AKR1C2: variants seen among roughly 807,000 people sequenced by gnomAD.
AKR1C2 encodes aldo-keto reductase family 1 member C2.
In AKR1C2, 27 loss-of-function variants were observed where a neutral mutation model predicts 39.8. That is an observed-to-expected ratio of 0.68 (90% CI 0.50 to 0.93). The LOEUF is 0.93. AKR1C2 is among the 40% of genes least tolerant of loss of function. The pLI is 0.00. For missense variants in AKR1C2, 263 were observed against 365.1 expected, an observed-to-expected ratio of 0.72 and a Z score of 2.28; for synonymous variants, 114 against 137.9, an observed-to-expected ratio of 0.83 and a Z score of 1.22.
chr10:4,994,064 TTTAC>T (rs1244285064), intron 7 of AKR1C2, among the ~76,000 whole-genome samples: 1 of 151,690 alleles, frequency 6.6e-6, no homozygotes, highest in Non-Finnish European at 1.5e-5. Context: ...CTTCACTTAT[TTTAC>T]TTAATGTTTT....
At chr10:4,999,530 A>G in intron 3 of AKR1C2, 1 of 451,322 alleles carries the variant, frequency 2.2e-6, no homozygotes. Context: ...GAGTGTCATC[A>G]TTGACTTTCA....
intron 7 of AKR1C2, among the ~76,000 whole-genome samples, chr10:4,994,366 A>G (rs1353083372): frequency 1.3e-5 from 2 of 152,160 alleles, no homozygotes; most frequent in African/African-American, 2.4e-5. Flanking sequence ...TCTAACAATC[A>G]CATGTCCCTG....
chr10:5,004,507 T>A (rs149569353), upstream of AKR1C2, among the ~76,000 whole-genome samples: 23,549 of 152,072 alleles, frequency 0.15, 1,968 homozygotes, highest in East Asian at 0.3. Flanking sequence ...ATTGGAAGAT[T>A]TCTTATTAAC....
chr10:4,997,990 T>C (rs1413411318), intron 5 of AKR1C2, among the ~76,000 whole-genome samples: 1 of 152,240 alleles, frequency 6.6e-6, no homozygotes, highest in Non-Finnish European at 1.5e-5. Context: ...GGGGCAGTCA[T>C]AGGTCAGCTC....
chr10:4,998,939 T>C (rs551899136), intron 4 of AKR1C2, among the ~76,000 whole-genome samples, 192 bp from the exon 5 acceptor site: 1 of 152,280 alleles, frequency 6.6e-6, no homozygotes, highest in Admixed American at 6.5e-5. Context: ...AGAATTTCTG[T>C]TTCCTCCTTA....
intron 7 of AKR1C2, among the ~76,000 whole-genome samples, chr10:4,994,274 T>C (rs1588299088): frequency 6.6e-6 from 1 of 152,220 alleles, no homozygotes; most frequent in Middle Eastern, 3.4e-3. Context: ...TATATCTATA[T>C]ATATTCATAT....
chr10:5,002,962 A>G (rs1295775892), intron 1 of AKR1C2, among the ~76,000 whole-genome samples: 3 of 152,210 alleles, frequency 2.0e-5, no homozygotes, highest in African/African-American at 7.2e-5. Flanking sequence ...GAGAAATGTG[A>G]GACTCAAATT....
At chr10:5,014,194 A>C (rs1393461560) in intron 1 of AKR1C2, among the ~76,000 whole-genome samples, 1 of 147,420 alleles carries the variant, frequency 6.8e-6, no homozygotes. Flanking sequence ...CTTCAAAAAC[A>C]TGTTTTAGTT....
intron 4 of AKR1C2, among the ~76,000 whole-genome samples, 158 bp from the exon 5 acceptor site, chr10:4,998,905 A>T (rs1837159451): frequency 6.6e-6 from 1 of 152,156 alleles, no homozygotes; most frequent in Non-Finnish European, 1.5e-5. Flanking sequence ...AAAATTGGGG[A>T]AGAAGATAGT....
chr10:4,996,477 C>G (rs1345628552), intron 5 of AKR1C2, among the ~76,000 whole-genome samples: 2 of 147,848 alleles, frequency 1.4e-5, no homozygotes, highest in Non-Finnish European at 3.0e-5. Context: ...GAAACAAGTG[C>G]TTTTGTCTTT....
intron 8 of AKR1C2, among the ~76,000 whole-genome samples, chr10:4,991,302 A>C (rs1836834722): frequency 1.3e-5 from 2 of 151,688 alleles, no homozygotes; most frequent in Non-Finnish European, 1.5e-5. Context: ...CAAACATGCA[A>C]AGAAAGGCAC....
chr10:5,017,854 G>C (rs782099302), intron 1 of AKR1C2: 9 of 153,282 alleles, frequency 5.9e-5, no homozygotes, highest in Non-Finnish European at 1.3e-4. Context: ...TCACAGTTCT[G>C]CAGGCTGTAC....
chr10:5,001,975 A>G (rs1298416713), intron 1 of AKR1C2, among the ~76,000 whole-genome samples: 7 of 152,232 alleles, frequency 4.6e-5, no homozygotes, highest in African/African-American at 1.7e-4. Flanking sequence ...GGACGCAACT[A>G]TAGTTACAGA....
chr10:4,998,687 G>A lies in AKR1C2; in HGVS notation c.508C>T (p.His170Tyr), dbSNP rs1837148517. ...TTGAGGATCATCTCCAGCAGCCTGTGGTTGAAGTTGGACACCCCGATGGAC... is the reference window on the plus strand; with the variant it reads ...TTGAGGATCATCTCCAGCAGCCTGTAGTTGAAGTTGGACACCCCGATGGAC... ...AKSIGVSNFN[H>Y]RLLEMILNKP... The change falls in exon 5 of 9, where the codon CAC becomes TAC. Residue 170 changes from histidine to tyrosine, a missense_variant. His to Tyr is a moderately conservative substitution (Grantham distance 83). Around this residue, in one of 3 missense-constraint regions of AKR1C2, gnomAD observed 247 missense variants for 267.9 expected, o/e 0.92. Coordinates refer to ENST00000380753, the MANE Select transcript of AKR1C2 (RefSeq NM_001393392.1). 6.2e-7 allele frequency: 1 copy of A among 1,614,148 alleles called. No homozygotes were observed. Among genetic ancestry groups the A allele is most frequent in the Non-Finnish European group, 8.5e-7 (1 of 1,180,034 alleles).
chr10:4,987,794 T>C lies in AKR1C2; in HGVS notation c.*2202A>G, dbSNP rs1218234569. ...CCAAAATTTCAAAAATACATGTTTT[T>C]ATATTTTACCATATGTTCACATTTA... On this transcript the variant is annotated 3_prime_UTR_variant, in exon 9 of 9. Transcript: ENST00000380753. The C allele has an allele frequency of 8.0e-6, 1 of 125,772 alleles. No individual in the cohort carries two copies. The highest frequency in any genetic ancestry group is 1.7e-5 in the Non-Finnish European group (1 of 60,178). 7.8% of individuals were successfully genotyped at this position (125,772 alleles called of 1,614,324 possible).
chr10:5,006,388 G>A (rs1446928492), upstream of AKR1C2: 2 of 152,156 alleles, frequency 1.3e-5, no homozygotes, highest in African/African-American at 4.8e-5. Context: ...GATCACCTGA[G>A]GTCAGGAGTT....
chr10:4,988,456 G>GATATTTA lies in AKR1C2; in HGVS notation c.*1533_*1539dup, dbSNP rs1554771714. The GATATTTA allele has an allele frequency of 1.7e-4, 25 of 149,318 alleles. No individual in the cohort carries two copies. Among genetic ancestry groups the GATATTTA allele is most frequent in the Non-Finnish European group, 3.0e-4 (20 of 65,754 alleles). 9.2% of individuals were successfully genotyped at this position (149,318 alleles called of 1,614,324 possible). ...TTGGTGGATTTCTCAGCCTAGAGGT[G>GATATTTA]ATATTTAATGCAGAGAATATCTAAG... On this transcript the variant is annotated 3_prime_UTR_variant, in exon 9 of 9. Transcript: ENST00000380753.
intron 5 of AKR1C2, among the ~76,000 whole-genome samples, chr10:4,997,972 C>A (rs1837118764): frequency 6.6e-6 from 1 of 152,182 alleles, no homozygotes; most frequent in African/African-American, 2.4e-5. Context: ...AAGCAGCCGA[C>A]TAGGAGCGGG....
chr10:4,999,183 C>G lies in AKR1C2; in HGVS notation c.447+17G>C. ...ACCTCATCTTTCTTATCCGTTCTCTCACCTCCAAACACTCACCTCCCATGT... is the reference window on the plus strand; with the variant it reads ...ACCTCATCTTTCTTATCCGTTCTCTGACCTCCAAACACTCACCTCCCATGT... On this transcript the variant is annotated intron_variant, in intron 4 of 8. Transcript: ENST00000380753. 6.3e-7 allele frequency: 1 copy of G among 1,596,408 alleles called. No homozygotes were observed. Among genetic ancestry groups the G allele is most frequent in the East Asian group, 2.2e-5 (1 of 44,698 alleles).
Sources: allele counts gnomAD v4.1 joint callset (sites outside exome capture counted in the v4.1 genomes callset), GRCh38; gene constraint gnomAD v4.1.1; regional missense constraint gnomAD v4.1.1; transcripts MANE v1.5; gene names NCBI Gene and HGNC (gene_info 2026-07-23, HGNC 2026-07-21).